The following SHOX2 variants were observed in gnomAD, a reference collection of about 807,000 sequenced individuals.
The protein encoded by SHOX2 is SHOX homeobox 2.
Under a neutral mutation model 31.3 loss-of-function variants are expected in SHOX2, and 13 were observed. The observed-to-expected ratio is 0.42, with a 90% confidence interval of 0.27 to 0.66. SHOX2 has a LOEUF of 0.66. Among genes scored for constraint, SHOX2 ranks in the 30% least tolerant of loss-of-function variants. The pLI is 0.27. For missense variants in SHOX2, 473 were observed against 443.0 expected (o/e 1.07, Z -0.61); for synonymous variants, 244 against 196.2 (o/e 1.24, Z -2.04).
At chr3:158,100,892 T>A (rs1713449948) in intron 2 of SHOX2, among the ~76,000 whole-genome samples, 2 of 152,196 alleles carry the variant, frequency 1.3e-5, no homozygotes, top group African/African-American at 4.8e-5. Flanking sequence ...AATTTGCTTC[T>A]TTAGAAAAAG....
At chr3:158,103,139 C>T in intron 1 of SHOX2, 1 of 562,480 alleles carries the variant, frequency 1.8e-6, no homozygotes, top group Non-Finnish European at 3.2e-6. Context: ...CCACCACCTC[C>T]TTCACAAACG....
Position 158,099,924 on chromosome 3 carries a change from T to C in SHOX2, c.638A>G (p.Gln213Arg). Residue 213 changes from glutamine (Q) to arginine (R), a missense_variant, in exon 4 of 5, where the codon CAG (glutamine) becomes CGG (arginine). Around this residue, in one of 3 missense-constraint regions of SHOX2, gnomAD observed 182 missense variants for 167.2 expected, o/e 1.09. Transcript: ENST00000483851. ...HKGVLIGAASQFEACRVAPYV... is the reference protein window; with the variant it reads ...HKGVLIGAASRFEACRVAPYV... The stretch of plus-strand genomic sequence containing the variant: ...AGGTGCGACTCTACAAGCTTCAAAC[T>C]GGCTGGCGGCCCCTATGAGAACACC... The C allele has an allele frequency of 6.2e-7, 1 of 1,614,160 alleles. No individual in the cohort carries two copies. The highest frequency in any genetic ancestry group is 8.5e-7 in the Non-Finnish European group (1 of 1,180,020).
chr3:158,097,934 G>A lies in SHOX2; in HGVS notation c.*93C>T. 6.8e-7 allele frequency: 1 copy of A among 1,463,522 alleles called. No individual in the cohort carries two copies. The allele number at this position is 1,463,522 out of a possible 1,614,324, so 90.7% of individuals were successfully genotyped here. ...AGGCGGGAAGAGGGCCGGCTCCCGA[G>A]GTCTCAAAGGGGTAACGGAGAAGCA... On this transcript the variant is annotated 3_prime_UTR_variant, in exon 5 of 5. Transcript: ENST00000483851.
At chr3:158,099,522 C>T (rs1713352254) in intron 4 of SHOX2, among the ~76,000 whole-genome samples, 1 of 152,078 alleles carries the variant, frequency 6.6e-6, no homozygotes, top group African/African-American at 2.4e-5. Flanking sequence ...TTAGAAATAC[C>T]TTAGGACTAA....
At chr3:158,103,377 CAGCTCTCACCA>C (rs1713638420) in intron 1 of SHOX2, 1 of 198,454 alleles carries the variant, frequency 5.0e-6, no homozygotes, top group Admixed American at 5.3e-5. Flanking sequence ...GTTCTCAGGC[CAGCTCTCACCA>C]CCGCTGGCTC....
Position 158,097,271 on chromosome 3 carries a change from G to A in SHOX2, c.*756C>T, listed in dbSNP as rs776564980. ...AAGCATCTGATTCAACGTAAAAGGAGGCCCGCCTCTCTCATCAAATTTCTC... is the reference window on the plus strand; with the variant it reads ...AAGCATCTGATTCAACGTAAAAGGAAGCCCGCCTCTCTCATCAAATTTCTC... On this transcript the variant is annotated 3_prime_UTR_variant, in exon 5 of 5. Coordinates refer to ENST00000483851, the MANE Select transcript of SHOX2 (RefSeq NM_001163678.2). 6 of 152,232 alleles carry A rather than the reference G, an allele frequency of 3.9e-5. No individual in the cohort carries two copies. Among genetic ancestry groups the A allele is most frequent in the South Asian group, 2.1e-4 (1 of 4,818 alleles). The allele number at this position is 152,232 out of a possible 1,614,324, so 9.4% of individuals were successfully genotyped here. A position where few individuals can be genotyped will look rare whatever the true frequency, so the allele number is the denominator to read the frequency against.
intron 1 of SHOX2, chr3:158,105,142 T>G (rs988355847): frequency 6.7e-7 from 1 of 1,494,664 alleles, no homozygotes; most frequent in South Asian, 1.2e-5. Flanking sequence ...TGAAAGAGAA[T>G]GGGAAGTTTT....
rs987838901 is a variant in SHOX2 at position 158,097,898 on chromosome 3, G to T, written c.*129C>A. The T allele has an allele frequency of 2.1e-5, 25 of 1,191,304 alleles. No homozygotes were observed. Among genetic ancestry groups the T allele is most frequent in the Non-Finnish European group, 2.7e-5 (23 of 850,950 alleles). The allele number at this position is 1,191,304 out of a possible 1,614,324, so 73.8% of individuals were successfully genotyped here. Reference sequence around the variant, plus strand: ...GTCCAAGATGCGATAGGGGACGAGGGATGGTCAGTGAGGCGGGAAGAGGGC... The same window carrying T: ...GTCCAAGATGCGATAGGGGACGAGGTATGGTCAGTGAGGCGGGAAGAGGGC... On this transcript the variant is annotated 3_prime_UTR_variant, in exon 5 of 5. Transcript: ENST00000483851.
intron 1 of SHOX2, chr3:158,103,959 G>C (rs753318678): frequency 6.6e-6 from 1 of 152,236 alleles, no homozygotes; most frequent in Non-Finnish European, 1.5e-5. Flanking sequence ...AGCTCTTCTA[G>C]TGTGAGCATA....
At chr3:158,102,125 C>T (rs1185823398) in intron 2 of SHOX2, among the ~76,000 whole-genome samples, 1 of 152,234 alleles carries the variant, frequency 6.6e-6, no homozygotes, top group Non-Finnish European at 1.5e-5. Flanking sequence ...ATTTCACACA[C>T]AGTTTGAGAT....
chr3:158,104,207 G>T (rs1050938791), intron 1 of SHOX2: 1 of 152,254 alleles, frequency 6.6e-6, no homozygotes, highest in Admixed American at 6.5e-5. Flanking sequence ...GCGCCCGCCG[G>T]GGGTTCAGAC....
rs1356206810 is a variant in SHOX2 at position 158,105,893 on chromosome 3, G to A, written c.132C>T (p.Thr44=). 2 of 1,565,846 alleles carry A rather than the reference G, an allele frequency of 1.3e-6. No homozygotes were observed. The highest frequency in any genetic ancestry group is 2.3e-5 in the South Asian group (2 of 86,846). ...LRGAKEPTGC[T]EAGRDDRSSP... is the part of the protein sequence containing the mutation. ...TGCTGCGGTCGTCGCGGCCCGCCTC[G>A]GTGCAGCCGGTCGGCTCCTTGGCCC... Residue 44 remains threonine (T), a synonymous_variant, in exon 1 of 5, where the codon ACC becomes ACT. Coordinates refer to ENST00000483851, the MANE Select transcript of SHOX2 (RefSeq NM_001163678.2).
In SHOX2 at chr3:158,105,748, G is replaced by T; in HGVS notation, c.277C>A (p.Pro93Thr). Residue 93 changes from proline (P) to threonine (T), a missense_variant, in exon 1 of 5, where the codon CCC becomes ACC. Pro to Thr is a conservative substitution (Grantham distance 38, BLOSUM62 -1). This residue lies in a region of SHOX2 where 276 missense variants were observed against 230.0 expected (regional missense o/e 1.20). Coordinates refer to ENST00000483851, the MANE Select transcript of SHOX2 (RefSeq NM_001163678.2). ...GCGCCCATGTCCAGCTCCCGGACGG[G>T]AGAGCGCCCTCCTCCAGCTCCTCCG... Reference protein sequence around the residue: ...AGGGAGGGRSPVRELDMGAAE... With the variant: ...AGGGAGGGRSTVRELDMGAAE... 1 of 1,521,404 alleles carries T rather than the reference G, an allele frequency of 6.6e-7. No individual in the cohort carries two copies. The highest frequency in any genetic ancestry group is 2.7e-5 in the East Asian group (1 of 36,372). 94.2% of individuals were successfully genotyped at this position (1,521,404 alleles called of 1,614,324 possible).
chr3:158,106,036 G>A lies in SHOX2; in HGVS notation c.-12C>T. On this transcript the variant is annotated 5_prime_UTR_variant, in exon 1 of 5. In the 5' UTR this introduces an upstream ATG that the reference lacks. Coordinates refer to ENST00000483851, the MANE Select transcript of SHOX2 (RefSeq NM_001163678.2). ...GTAAGTTCTTCCATCGCCGCCGCAC[G>A]TCAGCCCGGCGCTCAACCTCTGCCA... 2 of 1,612,160 alleles carry A rather than the reference G, an allele frequency of 1.2e-6. No homozygotes were observed. The highest frequency in any genetic ancestry group is 1.1e-5 in the South Asian group (1 of 91,068).
At chr3:158,102,541 C>A in intron 2 of SHOX2, 137 bp downstream of exon 2, 1 of 680,720 alleles carries the variant, frequency 1.5e-6, no homozygotes, top group Non-Finnish European at 2.5e-6. Flanking sequence ...AATAAGACCT[C>A]TAGTAAAGAT....
chr3:158,106,025 C>T lies in SHOX2; in HGVS notation c.-1G>A, dbSNP rs780056370. The T allele has an allele frequency of 1.9e-6, 3 of 1,610,140 alleles. No individual in the cohort carries two copies. Among genetic ancestry groups the T allele is most frequent in the East Asian group, 2.2e-5 (1 of 44,786 alleles). On this transcript the variant is annotated 5_prime_UTR_variant, in exon 1 of 5. Transcript: ENST00000483851. ...AGACGAACGCCGTAAGTTCTTCCATCGCCGCCGCACGTCAGCCCGGCGCTC... is the reference window on the plus strand; with the variant it reads ...AGACGAACGCCGTAAGTTCTTCCATTGCCGCCGCACGTCAGCCCGGCGCTC...
chr3:158,105,285 G>T, intron 1 of SHOX2: 2 of 622,290 alleles, frequency 3.2e-6, no homozygotes, highest in Non-Finnish European at 5.7e-6. Context: ...CTGCGCTAGA[G>T]GCTAGCTTTA....
chr3:158,100,601 C>T (rs1479490600), intron 2 of SHOX2, among the ~76,000 whole-genome samples: 2 of 152,128 alleles, frequency 1.3e-5, no homozygotes, highest in Admixed American at 6.5e-5. Flanking sequence ...CTGCTTGGTA[C>T]CTGATACCAA....
rs1048243 is a variant in SHOX2, at chr3:158,097,672, A to T, written c.*355T>A. The T allele has an allele frequency of 9.7e-5, 22 of 226,310 alleles. No homozygotes were observed. The highest frequency in any genetic ancestry group is 1.8e-4 in the Non-Finnish European group (21 of 117,464). The allele number at this position is 226,310 out of a possible 1,614,324, so 14.0% of individuals were successfully genotyped here. ...CATTGTTAACAAGATTTTTTTTTCT[A>T]TGCAAGAGTCCATCGTTGCAGCTTT... On this transcript the variant is annotated 3_prime_UTR_variant, in exon 5 of 5. Coordinates refer to ENST00000483851, the MANE Select transcript of SHOX2 (RefSeq NM_001163678.2).
Sources: allele counts gnomAD v4.1 joint callset (sites outside exome capture counted in the v4.1 genomes callset), GRCh38; gene constraint gnomAD v4.1.1; regional missense constraint gnomAD v4.1.1; transcripts MANE v1.5; gene names NCBI Gene and HGNC (gene_info 2026-07-23, HGNC 2026-07-21).